ARID1B: variants seen among roughly 807,000 people sequenced by gnomAD.
ARID1B encodes the protein AT-rich interactive domain-containing protein 1B.
Under a neutral mutation model 212.3 loss-of-function variants are expected in ARID1B, and 30 were observed. The ratio of observed to expected loss-of-function variants is 0.14; its 90% CI spans 0.11 to 0.19. ARID1B has a LOEUF of 0.19. Ranked by LOEUF, ARID1B falls within the 10% of genes least tolerant of loss-of-function variation. The pLI is 1.00. For synonymous variants in ARID1B, 1,402 were observed against 1,301.7 expected (o/e 1.08, Z -1.66); for missense variants, 2,891 against 3,204.0 (o/e 0.90, Z 2.36).
chr6:157,179,074 A>G (rs1033169664), intron 11 of ARID1B, among the ~76,000 whole-genome samples: 2 of 152,208 alleles, frequency 1.3e-5, no homozygotes, highest in Non-Finnish European at 2.9e-5. Context: ...AAGTTGTTTT[A>G]CTGTTAACTG....
chr6:156,962,167 C>T (rs912910849), intron 4 of ARID1B, among the ~76,000 whole-genome samples: 4 of 151,856 alleles, frequency 2.6e-5, no homozygotes, highest in Non-Finnish European at 4.4e-5. Context: ...GGCGTGGTGG[C>T]GGGCGCCTGC....
intron 8 of ARID1B, chr6:157,152,330 G>A (rs1374387477): frequency 6.6e-6 from 1 of 152,168 alleles, no homozygotes; most frequent in Non-Finnish European, 1.5e-5. Context: ...AGCACGAGGA[G>A]ATCAAATCTG....
chr6:156,844,659 A>G (rs1024313284), intron 2 of ARID1B, among the ~76,000 whole-genome samples: 1 of 152,208 alleles, frequency 6.6e-6, no homozygotes, highest in South Asian at 2.1e-4. Context: ...TGATAGGGAA[A>G]TAAGTAAAGA....
intron 4 of ARID1B, among the ~76,000 whole-genome samples, chr6:157,045,710 A>G (rs1170466632): frequency 6.6e-6 from 1 of 152,214 alleles, no homozygotes; most frequent in Non-Finnish European, 1.5e-5. Flanking sequence ...AACTCATATT[A>G]CTTTTCATAA....
chr6:157,026,211 C>T (rs975884147), intron 4 of ARID1B, among the ~76,000 whole-genome samples: 16 of 152,134 alleles, frequency 1.1e-4, no homozygotes, highest in African/African-American at 3.6e-4. Flanking sequence ...CTGCGCCAGG[C>T]CTATTTTTAA....
intron 4 of ARID1B, among the ~76,000 whole-genome samples, chr6:157,075,832 G>C (rs1170366035): frequency 6.6e-6 from 1 of 152,182 alleles, no homozygotes; most frequent in Non-Finnish European, 1.5e-5. Flanking sequence ...CAAAATACCT[G>C]ACAAGTACTC....
chr6:157,104,441 G>A (rs1786316359), intron 5 of ARID1B, among the ~76,000 whole-genome samples: 1 of 152,190 alleles, frequency 6.6e-6, no homozygotes, highest in Non-Finnish European at 1.5e-5. Flanking sequence ...GCATAAGGAT[G>A]AGTGTAGGAG....
rs1302027892 is a variant in ARID1B at position 157,206,802 on chromosome 6, A to G, written c.6030A>G (p.Ala2010=). ...IDDVLSARPG[A]LPEDANPGPQ... is the part of the protein sequence containing the mutation. ...ACGTCCTCTCTGCTCGGCCAGGGGC[A>G]TTGCCTGAAGACGCAAACCCTGGGC... The change falls in exon 20 of 20, where the codon GCA becomes GCG. Residue 2010 remains alanine (A), a synonymous_variant. Transcript: ENST00000636930. The surrounding 1 kb of genome is among the most constrained non-coding windows in gnomAD (Gnocchi z 6.8). 1.5e-5 allele frequency: 24 copies of G among 1,613,960 alleles called. No individual in the cohort carries two copies. The highest frequency in any genetic ancestry group is 1.9e-5 in the Non-Finnish European group (23 of 1,180,038).
At chr6:157,140,553 A>G (rs1347869765) in intron 7 of ARID1B, 1 of 398,368 alleles carries the variant, frequency 2.5e-6, no homozygotes, top group Non-Finnish European at 4.4e-6. Context: ...TAGTTACTAT[A>G]TTTTTTTCCC....
intron 4 of ARID1B, among the ~76,000 whole-genome samples, chr6:156,982,746 T>A (rs979831713): frequency 6.6e-6 from 1 of 152,218 alleles, no homozygotes; most frequent in Non-Finnish European, 1.5e-5. Context: ...CCTTTTTTAA[T>A]AGCATTCTTT....
chr6:156,991,123 GTA>G (rs1197838680), intron 4 of ARID1B, among the ~76,000 whole-genome samples: 1 of 152,310 alleles, frequency 6.6e-6, no homozygotes, highest in East Asian at 1.9e-4. Context: ...TGCACAGTTG[GTA>G]CACATGGCAG....
intron 1 of ARID1B, among the ~76,000 whole-genome samples, chr6:156,820,019 C>T (rs1357959135): frequency 2.0e-5 from 3 of 152,034 alleles, no homozygotes; most frequent in African/African-American, 7.2e-5. Context: ...AGGATGTGTC[C>T]TGGATTCTGA....
chr6:156,921,101 G>A (rs17087902), intron 3 of ARID1B, among the ~76,000 whole-genome samples: 2,763 of 152,092 alleles, frequency 0.018, 76 homozygotes, highest in African/African-American at 0.062. Flanking sequence ...CTTGAAAGCA[G>A]TAGTTCTCAT....
At chr6:156,917,481 G>T (rs1438229034) in intron 3 of ARID1B, among the ~76,000 whole-genome samples, 1 of 152,030 alleles carries the variant, frequency 6.6e-6, no homozygotes, top group Non-Finnish European at 1.5e-5. Flanking sequence ...TTCTAGTGTT[G>T]TGAGGCTTAG....
In ARID1B at chr6:157,050,530, C is replaced by T. The variant is rs1361919789; in HGVS notation, c.2248-34132C>T. 6.6e-5 allele frequency among the ~76,000 whole-genome samples: 10 copies of T among 151,928 alleles called. No individual in the cohort carries two copies. The South Asian group carries it at 1.9e-3, about 28-fold the overall frequency. On this transcript the variant is annotated intron_variant, in intron 4 of 19. Transcript: ENST00000636930. The stretch of plus-strand genomic sequence containing the variant: ...CTGCACTCCAGCCTGGGCGACAGAG[C>T]GAGAATCTTATCTCAAAAATAAAAA...
chr6:156,897,233 T>G (rs1161615001), intron 2 of ARID1B, among the ~76,000 whole-genome samples: 10 of 90,752 alleles, frequency 1.1e-4, no homozygotes, highest in East Asian at 6.0e-4. Context: ...TTCTTCTTCT[T>G]CTTCTTCTTC....
chr6:157,002,877 G>A (rs992127443), intron 4 of ARID1B, among the ~76,000 whole-genome samples: 1 of 152,232 alleles, frequency 6.6e-6, no homozygotes, highest in African/African-American at 2.4e-5. Context: ...TCTTAAGTAA[G>A]AAGACATCTC....
At chr6:157,071,353 C>T (rs1324750991) in intron 4 of ARID1B, 1 of 152,140 alleles carries the variant, frequency 6.6e-6, no homozygotes. Context: ...AAAGTGAGCT[C>T]AGTAGGACAA....
At chr6:157,165,297 A>C (rs1015351921) in intron 8 of ARID1B, among the ~76,000 whole-genome samples, 2 of 152,198 alleles carry the variant, frequency 1.3e-5, no homozygotes, top group Non-Finnish European at 2.9e-5. Flanking sequence ...GAAGCTAAGA[A>C]TTGCAGGCTA....
Sources: gnomAD v4.1 joint callset for allele counts (sites outside exome capture counted in the v4.1 genomes callset) on GRCh38, gnomAD v4.1.1 for gene constraint, Gnocchi (gnomAD v3.1) non-coding constraint, MANE v1.5 for transcripts, NCBI Gene and HGNC (gene_info 2026-07-23, HGNC 2026-07-21) for gene names.